The following CSMD1 variants were observed in gnomAD, a reference collection of about 807,000 sequenced individuals.
CSMD1 encodes the protein CUB and sushi domain-containing protein 1.
In CSMD1, 213 loss-of-function variants were observed where a neutral mutation model predicts 417.5. The observed-to-expected ratio is 0.51, with a 90% CI of 0.46 to 0.57. CSMD1 has a LOEUF of 0.57. CSMD1 is among the 20% of genes least tolerant of loss of function. The probability of loss-of-function intolerance (pLI) is 0.00; values close to 1 mark genes in which losing one functional copy is unlikely to be tolerated. For missense variants in CSMD1, 6,923 were observed against 4,529.7 expected (o/e 1.53, Z -15.17); for synonymous variants, 2,862 against 1,736.8 (o/e 1.65, Z -16.11).
At chr8:3,585,311 G>A (rs116999307) in intron 9 of CSMD1, among the ~76,000 whole-genome samples, 377 of 152,210 alleles carry the variant, frequency 2.5e-3, no homozygotes, top group Admixed American at 3.5e-3. Flanking sequence ...GTCCATTCAC[G>A]TGAAAAGACT....
chr8:3,429,334 A>T (rs534677835), intron 12 of CSMD1, among the ~76,000 whole-genome samples: 2 of 152,238 alleles, frequency 1.3e-5, no homozygotes, highest in African/African-American at 4.8e-5. Context: ...TAAAATGCAA[A>T]AATTATTTTG....
At chr8:3,292,950 T>A (rs1803687258) in intron 25 of CSMD1, among the ~76,000 whole-genome samples, 1 of 152,170 alleles carries the variant, frequency 6.6e-6, no homozygotes, top group South Asian at 2.1e-4. Flanking sequence ...GGCATGATTT[T>A]GCAGTGGCTG....
chr8:4,299,203 T>C (rs1178483264), intron 3 of CSMD1, among the ~76,000 whole-genome samples: 1 of 152,152 alleles, frequency 6.6e-6, no homozygotes, highest in Non-Finnish European at 1.5e-5. Flanking sequence ...AAATATACTT[T>C]TGCCAGGTAA....
At position 2,963,428 on chromosome 8, in the gene CSMD1, C is replaced by T. The variant is rs7845400; in HGVS notation, c.9281-33G>A. On this transcript the variant is annotated intron_variant, in intron 59 of 69. Coordinates refer to ENST00000635120, the MANE Select transcript of CSMD1 (RefSeq NM_033225.6). ...CAAAGAACAAACAAGATCAACATTCCGGAGCTCCCGCTGCAGCGGTGATGT... is the reference window on the plus strand; with the variant it reads ...CAAAGAACAAACAAGATCAACATTCTGGAGCTCCCGCTGCAGCGGTGATGT... The T allele has an allele frequency of 8.5e-3, 13,674 of 1,602,012 alleles. 1,015 individuals carry two copies. In the African/African-American group the frequency reaches 0.16, roughly 19 times the overall value.
At chr8:3,979,709 C>A (rs1053710829) in intron 5 of CSMD1, among the ~76,000 whole-genome samples, 1 of 152,204 alleles carries the variant, frequency 6.6e-6, no homozygotes, top group Non-Finnish European at 1.5e-5. Context: ...GTACCCAGAA[C>A]TGAATAAGCT....
At chr8:4,237,266 G>A (rs1346988954) in intron 3 of CSMD1, among the ~76,000 whole-genome samples, 1 of 152,152 alleles carries the variant, frequency 6.6e-6, no homozygotes, top group Non-Finnish European at 1.5e-5. Context: ...AAGAGATTCA[G>A]AGTGAGGGTG....
intron 7 of CSMD1, among the ~76,000 whole-genome samples, chr8:3,673,334 A>G (rs1168451180): frequency 6.6e-6 from 1 of 152,220 alleles, no homozygotes; most frequent in Non-Finnish European, 1.5e-5. Flanking sequence ...TTCAGCAAGT[A>G]CTGAACAAAA....
intron 2 of CSMD1, among the ~76,000 whole-genome samples, chr8:4,511,001 A>T (rs2130343540): frequency 6.6e-6 from 1 of 152,072 alleles, no homozygotes; most frequent in Admixed American, 6.5e-5. Context: ...AATGATTCAA[A>T]GTGCCTTTAA....
intron 9 of CSMD1, among the ~76,000 whole-genome samples, chr8:3,578,633 C>T (rs1322142405): frequency 2.0e-5 from 3 of 152,120 alleles, no homozygotes; most frequent in Non-Finnish European, 4.4e-5. Flanking sequence ...AAGTTTATCA[C>T]CTGCCTCTCT....
chr8:3,022,977 C>T (rs1809561469), intron 51 of CSMD1, among the ~76,000 whole-genome samples: 1 of 152,196 alleles, frequency 6.6e-6, no homozygotes, highest in South Asian at 2.1e-4. Flanking sequence ...TGAGCTGTCA[C>T]TACAGTTATT....
chr8:3,802,141 T>C (rs1480990984), intron 5 of CSMD1, among the ~76,000 whole-genome samples: 1 of 152,134 alleles, frequency 6.6e-6, no homozygotes, highest in Non-Finnish European at 1.5e-5. Flanking sequence ...TATCCTCAGA[T>C]ACTGCAGCAT....
At chr8:4,962,569 G>C (rs1366510561) in intron 1 of CSMD1, among the ~76,000 whole-genome samples, 1 of 152,100 alleles carries the variant, frequency 6.6e-6, no homozygotes, top group Non-Finnish European at 1.5e-5. Flanking sequence ...TTTACTATAG[G>C]ATTTTGGCAT....
chr8:3,633,981 G>A (rs1307099195), intron 7 of CSMD1, among the ~76,000 whole-genome samples: 1 of 151,570 alleles, frequency 6.6e-6, no homozygotes, highest in Non-Finnish European at 1.5e-5. Flanking sequence ...AGATGAATAT[G>A]CATGACCCTT....
intron 19 of CSMD1, 115 bp downstream of exon 19, chr8:3,369,139 T>C: frequency 1.7e-6 from 1 of 584,246 alleles, no homozygotes; most frequent in Non-Finnish European, 3.1e-6. Context: ...TCTTGAACTA[T>C]ACATGAGAAA....
intron 3 of CSMD1, among the ~76,000 whole-genome samples, chr8:4,263,958 A>G (rs1040109573): frequency 1.3e-5 from 2 of 152,206 alleles, no homozygotes; most frequent in Admixed American, 1.3e-4. Context: ...AATTTGTCAT[A>G]GCAGAAGAAT....
chr8:3,346,499 C>T (rs1217009069), intron 22 of CSMD1, among the ~76,000 whole-genome samples: 2 of 152,076 alleles, frequency 1.3e-5, no homozygotes, highest in African/African-American at 2.4e-5. Flanking sequence ...CATGACAGTC[C>T]CTCATACTGC....
At chr8:3,075,047 G>C (rs1360974784) in intron 49 of CSMD1, among the ~76,000 whole-genome samples, 3 of 152,008 alleles carry the variant, frequency 2.0e-5, no homozygotes, top group East Asian at 1.9e-4. Context: ...AGATCCAGCT[G>C]TTTAAAAGCA....
chr8:4,475,165 A>ATT (rs1322475803), intron 2 of CSMD1, among the ~76,000 whole-genome samples: 1 of 152,184 alleles, frequency 6.6e-6, no homozygotes, highest in Non-Finnish European at 1.5e-5. Flanking sequence ...TATTGATATG[A>ATT]TTATGGTTGC....
chr8:4,994,446 C>T lies in CSMD1; in HGVS notation c.-30G>A. 1 of 1,587,688 alleles carries T rather than the reference C, an allele frequency of 6.3e-7. No individual in the cohort carries two copies. Among genetic ancestry groups the T allele is most frequent in the Non-Finnish European group, 8.6e-7 (1 of 1,160,584 alleles). ...GCAGATACTCCACACGCACGCGACA[C>T]CGATGGCTCCTCCGAGGAAGGCAGG... On this transcript the variant is annotated 5_prime_UTR_variant, in exon 1 of 70. It adds an upstream start codon to the 5' untranslated region. Coordinates refer to ENST00000635120, the MANE Select transcript of CSMD1 (RefSeq NM_033225.6).
Sources: gnomAD v4.1 joint callset for allele counts (sites outside exome capture counted in the v4.1 genomes callset) on GRCh38, gnomAD v4.1.1 for gene constraint, MANE v1.5 for transcripts, NCBI Gene and HGNC (gene_info 2026-07-23, HGNC 2026-07-21) for gene names.